NTNG1: variants seen among roughly 807,000 people sequenced by gnomAD.
The protein encoded by NTNG1 is netrin G1.
Under a neutral mutation model 54.0 loss-of-function variants are expected in NTNG1, and 16 were observed. That is an observed-to-expected ratio of 0.30 (90% CI 0.20 to 0.45). The LOEUF is 0.45. Among genes scored for constraint, NTNG1 ranks in the 20% least tolerant of loss-of-function variants. NTNG1 has a pLI of 1.00. For synonymous variants in NTNG1, 255 were observed against 263.1 expected, an observed-to-expected ratio of 0.97 and a Z score of 0.30; for missense variants, 530 against 678.7, an observed-to-expected ratio of 0.78 and a Z score of 2.43.
intron 2 of NTNG1, among the ~76,000 whole-genome samples, chr1:107,291,435 C>G (rs1665598137): frequency 6.6e-6 from 1 of 152,144 alleles, no homozygotes; most frequent in East Asian, 1.9e-4. Context: ...CAGGGGCTAG[C>G]ACCCCTAACC....
intron 3 of NTNG1, among the ~76,000 whole-genome samples, chr1:107,347,938 G>A (rs147483241): frequency 1.3e-3 from 195 of 152,094 alleles, no homozygotes; most frequent in African/African-American, 4.4e-3. Context: ...CTTCCACTTG[G>A]TCCCACCCTT....
At chr1:107,267,297 C>A (rs1043558513) in intron 2 of NTNG1, among the ~76,000 whole-genome samples, 4 of 152,098 alleles carry the variant, frequency 2.6e-5, no homozygotes, top group African/African-American at 9.7e-5. Context: ...GACCATTATT[C>A]AAGGAAGAGA....
intron 2 of NTNG1, among the ~76,000 whole-genome samples, chr1:107,223,258 GTGTC>G (rs1051425611): frequency 1.3e-5 from 2 of 152,034 alleles, no homozygotes; most frequent in African/African-American, 2.4e-5. Context: ...GGGTGTGTGT[GTGTC>G]TGTGTGTGCG....
At chr1:107,366,888 A>G (rs1050541524) in intron 3 of NTNG1, among the ~76,000 whole-genome samples, 1 of 152,182 alleles carries the variant, frequency 6.6e-6, no homozygotes, top group African/African-American at 2.4e-5. Context: ...TTAAAATCCT[A>G]TTTTAGTATT....
chr1:107,303,638 T>G (rs984799032), intron 2 of NTNG1, among the ~76,000 whole-genome samples: 8 of 152,150 alleles, frequency 5.3e-5, no homozygotes, highest in African/African-American at 1.7e-4. Flanking sequence ...ACTATCCCAT[T>G]TTCCCTGCCT....
At chr1:107,339,869 G>A (rs1357249635) in intron 3 of NTNG1, among the ~76,000 whole-genome samples, 1 of 152,046 alleles carries the variant, frequency 6.6e-6, no homozygotes, top group Non-Finnish European at 1.5e-5. Flanking sequence ...GAGATACAAA[G>A]ATGAAAAGCC....
chr1:107,260,585 C>T (rs1663247374), intron 2 of NTNG1, among the ~76,000 whole-genome samples: 1 of 152,212 alleles, frequency 6.6e-6, no homozygotes, highest in Admixed American at 6.5e-5. Flanking sequence ...GGGTCTTCCA[C>T]AGCAGTCACT....
At chr1:107,287,442 G>A (rs953777071) in intron 2 of NTNG1, among the ~76,000 whole-genome samples, 7 of 152,112 alleles carry the variant, frequency 4.6e-5, no homozygotes, top group South Asian at 2.1e-4. Flanking sequence ...CATGCATGCC[G>A]GAAATGTAGT....
chr1:107,338,601 T>G (rs978223695), intron 3 of NTNG1, among the ~76,000 whole-genome samples: 1 of 151,978 alleles, frequency 6.6e-6, no homozygotes, highest in Non-Finnish European at 1.5e-5. Context: ...CATGATTCAC[T>G]TCTTCATTTC....
At chr1:107,360,653 G>A (rs1453717535) in intron 3 of NTNG1, among the ~76,000 whole-genome samples, 1 of 152,182 alleles carries the variant, frequency 6.6e-6, no homozygotes, top group Non-Finnish European at 1.5e-5. Flanking sequence ...TATTTGCAAA[G>A]TCAAGTAATG....
intron 2 of NTNG1, among the ~76,000 whole-genome samples, chr1:107,233,007 T>G (rs2101540006): frequency 6.6e-6 from 1 of 152,316 alleles, no homozygotes; most frequent in African/African-American, 2.4e-5. Flanking sequence ...TTTTATTAGC[T>G]TTTTATCATT....
At chr1:107,184,657 C>T (rs1657319826) in intron 2 of NTNG1, among the ~76,000 whole-genome samples, 1 of 152,086 alleles carries the variant, frequency 6.6e-6, no homozygotes, top group Non-Finnish European at 1.5e-5. Flanking sequence ...CCTTTTTCTA[C>T]CATGGGCTTC....
At chr1:107,230,249 G>T (rs1217740195) in intron 2 of NTNG1, among the ~76,000 whole-genome samples, 1 of 152,122 alleles carries the variant, frequency 6.6e-6, no homozygotes, top group East Asian at 1.9e-4. Context: ...TTTACTTCTG[G>T]ACATCCCTCG....
intron 2 of NTNG1, among the ~76,000 whole-genome samples, chr1:107,251,343 C>T (rs1385430732): frequency 6.6e-6 from 1 of 152,200 alleles, no homozygotes; most frequent in Non-Finnish European, 1.5e-5. Context: ...ATCTCCCCCT[C>T]ACATACAATT....
At chr1:107,309,153 T>G (rs1410037267) in intron 2 of NTNG1, among the ~76,000 whole-genome samples, 1 of 152,188 alleles carries the variant, frequency 6.6e-6, no homozygotes, top group East Asian at 1.9e-4. Flanking sequence ...CTCCTTTCAT[T>G]TTATACTGCA....
At chr1:107,404,637 A>G (rs1673285653) in intron 4 of NTNG1, among the ~76,000 whole-genome samples, 1 of 152,156 alleles carries the variant, frequency 6.6e-6, no homozygotes, top group African/African-American at 2.4e-5. Flanking sequence ...GGCAGATCCA[A>G]CAGGTGCAGA....
At chr1:107,313,563 T>G (rs1345555783) in intron 2 of NTNG1, among the ~76,000 whole-genome samples, 1 of 152,098 alleles carries the variant, frequency 6.6e-6, no homozygotes, top group African/African-American at 2.4e-5. Context: ...AAGGACTTTA[T>G]GTAGAGCTAG....
chr1:107,299,320 T>C (rs1666180691), intron 2 of NTNG1, among the ~76,000 whole-genome samples: 1 of 151,812 alleles, frequency 6.6e-6, no homozygotes, highest in South Asian at 2.1e-4. Flanking sequence ...AGGTCTGTAC[T>C]TAAAAATCAA....
intron 3 of NTNG1, among the ~76,000 whole-genome samples, chr1:107,373,568 T>A (rs1016902474): frequency 2.0e-5 from 3 of 151,118 alleles, no homozygotes; most frequent in African/African-American, 7.3e-5. Context: ...CCGTATGTTA[T>A]CCTTTTTTTT....
Sources: gnomAD v4.1 joint callset for allele counts (sites outside exome capture counted in the v4.1 genomes callset) on GRCh38, gnomAD v4.1.1 for gene constraint, MANE v1.5 for transcripts, NCBI Gene and HGNC (gene_info 2026-07-23, HGNC 2026-07-21) for gene names.